Variants in CTNNA3 observed in about 807,000 individuals in gnomAD.
The protein encoded by CTNNA3 is catenin alpha-3.
CTNNA3 carries 76 observed loss-of-function variants against 95.7 expected under a neutral mutation model. That is an observed-to-expected ratio of 0.79 (90% CI 0.66 to 0.96). The LOEUF is 0.96. CTNNA3 is among the 40% of genes least tolerant of loss of function. The probability of loss-of-function intolerance (pLI) is 0.00; values close to 1 mark genes in which losing one functional copy is unlikely to be tolerated. For synonymous variants in CTNNA3, 431 were observed against 374.4 expected (o/e 1.15, Z -1.74); for missense variants, 1,191 against 1,089.8 (o/e 1.09, Z -1.31).
At chr10:66,217,874 G>A (rs1345229481) in intron 13 of CTNNA3, among the ~76,000 whole-genome samples, 2 of 152,150 alleles carry the variant, frequency 1.3e-5, no homozygotes, top group Non-Finnish European at 2.9e-5. Flanking sequence ...GCCTAGGGCA[G>A]CCTGAAGACT....
At chr10:67,567,719 T>A (rs1217557137) in intron 3 of CTNNA3, among the ~76,000 whole-genome samples, 1 of 152,038 alleles carries the variant, frequency 6.6e-6, no homozygotes, top group Non-Finnish European at 1.5e-5. Flanking sequence ...CATGTTCATG[T>A]ATGTTTACTG....
chr10:66,008,163 G>A, intron 15 of CTNNA3, among the ~76,000 whole-genome samples: 1 of 152,070 alleles, frequency 6.6e-6, no homozygotes, highest in Non-Finnish European at 1.5e-5. Context: ...TGAAACATGA[G>A]ATACTGGGTC....
chr10:67,350,912 A>G (rs867356680), intron 5 of CTNNA3, among the ~76,000 whole-genome samples: 7 of 135,688 alleles, frequency 5.2e-5, no homozygotes, highest in South Asian at 2.2e-4. Context: ...AAGTATGTGT[A>G]TATATATATA....
chr10:67,552,489 C>T (rs1460745317), intron 3 of CTNNA3, among the ~76,000 whole-genome samples: 1 of 151,626 alleles, frequency 6.6e-6, no homozygotes, highest in East Asian at 1.9e-4. Flanking sequence ...TCTCCACATC[C>T]AGCCACTTGT....
intron 13 of CTNNA3, 35 bp from the exon 14 acceptor site, chr10:66,103,284 T>C: frequency 5.9e-6 from 9 of 1,527,296 alleles, no homozygotes; most frequent in Non-Finnish European, 8.2e-6. Flanking sequence ...CTAGTGGGAA[T>C]GTAAAAGCAT....
chr10:67,236,521 G>A (rs535501238), intron 5 of CTNNA3, among the ~76,000 whole-genome samples: 2 of 150,134 alleles, frequency 1.3e-5, no homozygotes, highest in Non-Finnish European at 3.0e-5. Context: ...TGGGGTGGGG[G>A]GGGTGGGGAG....
At chr10:67,179,760 G>C (rs552284684) in intron 7 of CTNNA3, among the ~76,000 whole-genome samples, 1 of 152,026 alleles carries the variant, frequency 6.6e-6, no homozygotes, top group South Asian at 2.1e-4. Flanking sequence ...CCAGGAGTTC[G>C]AGGCTGCCAT....
chr10:66,553,333 T>C (rs182995486), intron 10 of CTNNA3, among the ~76,000 whole-genome samples: 2 of 151,726 alleles, frequency 1.3e-5, no homozygotes, highest in East Asian at 3.9e-4. Context: ...TTATACTCTA[T>C]ATTTGTCCTA....
chr10:66,301,764 A>T (rs187793848), intron 12 of CTNNA3, among the ~76,000 whole-genome samples: 43 of 152,134 alleles, frequency 2.8e-4, no homozygotes, highest in African/African-American at 9.9e-4. Context: ...TTAACATCAT[A>T]CTTAATGGAG....
intron 13 of CTNNA3, among the ~76,000 whole-genome samples, chr10:66,162,029 G>T (rs908620599): frequency 4.6e-5 from 7 of 151,964 alleles, no homozygotes; most frequent in Non-Finnish European, 7.4e-5. Context: ...TTCCGAAAGT[G>T]TGTCTAAAGT....
chr10:66,397,642 T>C (rs1464277483), intron 11 of CTNNA3, among the ~76,000 whole-genome samples: 2 of 151,784 alleles, frequency 1.3e-5, no homozygotes, highest in African/African-American at 4.8e-5. Context: ...TGTCTTTGCT[T>C]TAAAAGAACT....
At chr10:67,738,000 G>A (rs139971430) in intron 1 of CTNNA3, among the ~76,000 whole-genome samples, 8 of 152,322 alleles carry the variant, frequency 5.3e-5, no homozygotes, top group Non-Finnish European at 8.8e-5. Context: ...CCAGAAGTAG[G>A]AGCAGGCTGC....
intron 7 of CTNNA3, among the ~76,000 whole-genome samples, chr10:66,952,196 CAA>C (rs2132725558): frequency 6.6e-6 from 1 of 152,276 alleles, no homozygotes; most frequent in East Asian, 1.9e-4. Flanking sequence ...CACACAGTGG[CAA>C]AAGTCTTTGC....
intron 1 of CTNNA3, among the ~76,000 whole-genome samples, chr10:67,688,339 G>A (rs1320650140): frequency 6.6e-6 from 1 of 152,116 alleles, no homozygotes; most frequent in Non-Finnish European, 1.5e-5. Flanking sequence ...GGGGAGATTA[G>A]AGGAGGCTTA....
intron 13 of CTNNA3, among the ~76,000 whole-genome samples, chr10:66,231,775 A>T (rs1391386375): frequency 6.6e-6 from 1 of 152,212 alleles, no homozygotes; most frequent in South Asian, 2.1e-4. Context: ...AATTATCCAC[A>T]GACATGTGTA....
intron 14 of CTNNA3, among the ~76,000 whole-genome samples, chr10:66,100,273 T>G (rs2081566671): frequency 6.6e-6 from 1 of 152,160 alleles, no homozygotes; most frequent in East Asian, 1.9e-4. Context: ...ATAGGGTTAT[T>G]GGTCAAGAGT....
chr10:66,532,485 A>T (rs572282832), intron 10 of CTNNA3, among the ~76,000 whole-genome samples: 1 of 150,960 alleles, frequency 6.6e-6, no homozygotes, highest in South Asian at 2.1e-4. Flanking sequence ...AAAAAAAGGC[A>T]TGTATTTGAA....
intron 9 of CTNNA3, among the ~76,000 whole-genome samples, chr10:66,657,795 T>C (rs188470365): frequency 6.6e-6 from 1 of 152,350 alleles, no homozygotes; most frequent in Admixed American, 6.5e-5. Context: ...GAAAATCAGA[T>C]AGTTTTACTT....
At chr10:67,408,213 C>T (rs1468392303) in intron 5 of CTNNA3, among the ~76,000 whole-genome samples, 3 of 152,200 alleles carry the variant, frequency 2.0e-5, no homozygotes, top group African/African-American at 7.2e-5. Context: ...CTACCATTAA[C>T]ATTCTTTACA....
Sources: gnomAD v4.1 joint callset for allele counts (sites outside exome capture counted in the v4.1 genomes callset) on GRCh38, gnomAD v4.1.1 for gene constraint, MANE v1.5 for transcripts, NCBI Gene and HGNC (gene_info 2026-07-23, HGNC 2026-07-21) for gene names.